CLIC4: variants seen among roughly 807,000 people sequenced by gnomAD.
The protein encoded by CLIC4 is chloride intracellular channel protein 4.
CLIC4 carries 13 observed loss-of-function variants against 24.6 expected under a neutral mutation model. That is an observed-to-expected ratio of 0.53 (90% CI 0.34 to 0.84). CLIC4 has a LOEUF of 0.84. Among genes scored for constraint, CLIC4 ranks in the 40% least tolerant of loss-of-function variants. The pLI is 0.01. For missense variants in CLIC4, 227 were observed against 301.7 expected, an observed-to-expected ratio of 0.75 and a Z score of 1.83; for synonymous variants, 104 against 111.3, an observed-to-expected ratio of 0.93 and a Z score of 0.41.
intron 1 of CLIC4, among the ~76,000 whole-genome samples, chr1:24,785,235 A>T (rs1240116220): frequency 6.6e-6 from 1 of 152,104 alleles, no homozygotes; most frequent in East Asian, 1.9e-4. Context: ...GGAACTGAAG[A>T]ATCTGTTGTT....
intron 1 of CLIC4, among the ~76,000 whole-genome samples, chr1:24,756,972 C>A (rs375098876): frequency 6.6e-6 from 1 of 151,314 alleles, no homozygotes; most frequent in Non-Finnish European, 1.5e-5. Context: ...CTCTGCTCAC[C>A]GCAACCTCCG....
chr1:24,773,762 A>G (rs1167759110), intron 1 of CLIC4, among the ~76,000 whole-genome samples: 2 of 151,608 alleles, frequency 1.3e-5, no homozygotes, highest in Admixed American at 1.3e-4. Flanking sequence ...ATATCTGGCT[A>G]ATTTTCTTAT....
intron 1 of CLIC4, among the ~76,000 whole-genome samples, chr1:24,747,634 C>T (rs1638719492): frequency 6.6e-6 from 1 of 150,936 alleles, no homozygotes; most frequent in South Asian, 2.1e-4. Context: ...AAAATTTTTA[C>T]TGAGTGAGGA....
chr1:24,804,188 A>G (rs1426445017), intron 2 of CLIC4, among the ~76,000 whole-genome samples: 1 of 152,092 alleles, frequency 6.6e-6, no homozygotes, highest in East Asian at 1.9e-4. Flanking sequence ...CCTGTCTTTC[A>G]GAGACATCAT....
At chr1:24,820,905 TG>T (rs1639723815) in intron 3 of CLIC4, among the ~76,000 whole-genome samples, 1 of 152,134 alleles carries the variant, frequency 6.6e-6, no homozygotes, top group Non-Finnish European at 1.5e-5. Flanking sequence ...ACTTTTGGGC[TG>T]GGCGCGGTGG....
At chr1:24,796,971 T>C (rs1036789694) in intron 1 of CLIC4, among the ~76,000 whole-genome samples, 1 of 150,896 alleles carries the variant, frequency 6.6e-6, no homozygotes, top group African/African-American at 2.4e-5. Flanking sequence ...TTTTTTTTTT[T>C]TGAGACAGAG....
At chr1:24,759,749 G>A (rs1186216073) in intron 1 of CLIC4, among the ~76,000 whole-genome samples, 1 of 152,144 alleles carries the variant, frequency 6.6e-6, no homozygotes, top group African/African-American at 2.4e-5. Flanking sequence ...AGGAGTTCAA[G>A]ACCAGCCTCT....
At chr1:24,809,653 G>A (rs1429069074) in intron 2 of CLIC4, among the ~76,000 whole-genome samples, 1 of 152,080 alleles carries the variant, frequency 6.6e-6, no homozygotes, top group African/African-American at 2.4e-5. Flanking sequence ...TAGAGATGGG[G>A]TTTCATCATG....
At chr1:24,764,003 G>A (rs1385508591) in intron 1 of CLIC4, among the ~76,000 whole-genome samples, 1 of 152,230 alleles carries the variant, frequency 6.6e-6, no homozygotes, top group Non-Finnish European at 1.5e-5. Flanking sequence ...TATTGAATGA[G>A]TAAATGCACT....
At chr1:24,813,539 C>T (rs372322700) in intron 2 of CLIC4, among the ~76,000 whole-genome samples, 47 of 151,990 alleles carry the variant, frequency 3.1e-4, no homozygotes, top group African/African-American at 1.1e-3. Flanking sequence ...CTTCCTCAGC[C>T]TCCCAAGTAG....
intron 2 of CLIC4, among the ~76,000 whole-genome samples, chr1:24,813,401 C>CTTTTCT (rs1314118272): frequency 3.3e-5 from 5 of 151,490 alleles, no homozygotes; most frequent in African/African-American, 1.2e-4. Flanking sequence ...ACTTTGATCT[C>CTTTTCT]TTTTCTTTTT....
intron 1 of CLIC4, among the ~76,000 whole-genome samples, chr1:24,790,643 C>T (rs1639323509): frequency 6.6e-6 from 1 of 151,956 alleles, no homozygotes; most frequent in South Asian, 2.1e-4. Flanking sequence ...GTGGAGGTGG[C>T]CTCATTACCA....
intron 1 of CLIC4, among the ~76,000 whole-genome samples, chr1:24,753,564 T>A (rs768544654): frequency 6.6e-6 from 1 of 152,174 alleles, no homozygotes; most frequent in Non-Finnish European, 1.5e-5. Context: ...ATGTGGAAAC[T>A]CCTTATGCAG....
At chr1:24,820,877 GCAA>G (rs1379687181) in intron 3 of CLIC4, among the ~76,000 whole-genome samples, 1 of 152,034 alleles carries the variant, frequency 6.6e-6, no homozygotes, top group Non-Finnish European at 1.5e-5. Context: ...ACATCCTTCA[GCAA>G]CAACAACAAT....
chr1:24,815,184 A>G (rs1476937351), intron 3 of CLIC4, among the ~76,000 whole-genome samples: 1 of 152,214 alleles, frequency 6.6e-6, no homozygotes, highest in Non-Finnish European at 1.5e-5. Context: ...AAAATATTGC[A>G]TGTACCTTAA....
intron 3 of CLIC4, among the ~76,000 whole-genome samples, chr1:24,818,144 C>T (rs1364228117): frequency 4.6e-5 from 7 of 152,104 alleles, no homozygotes; most frequent in East Asian, 3.8e-4. Flanking sequence ...GGAAAAATGG[C>T]GCCATCTTGC....
intron 4 of CLIC4, 51 bp from the exon 5 acceptor site, chr1:24,839,809 T>A (rs768304046): frequency 6.7e-7 from 1 of 1,496,622 alleles, no homozygotes. Flanking sequence ...CTTGGGGACT[T>A]GAGTGGTTTT....
chr1:24,769,001 G>A (rs1259345584), intron 1 of CLIC4, among the ~76,000 whole-genome samples: 4 of 151,398 alleles, frequency 2.6e-5, no homozygotes, highest in African/African-American at 9.8e-5. Context: ...TAAAAATAGC[G>A]GGGCATGGTG....
intron 4 of CLIC4, among the ~76,000 whole-genome samples, chr1:24,836,201 A>T (rs1639883768): frequency 6.6e-6 from 1 of 152,246 alleles, no homozygotes; most frequent in South Asian, 2.1e-4. Context: ...CTTACCAAAT[A>T]ACTAACCTGA....
Sources: allele counts gnomAD v4.1 joint callset (sites outside exome capture counted in the v4.1 genomes callset), GRCh38; gene constraint gnomAD v4.1.1; transcripts MANE v1.5; gene names NCBI Gene and HGNC (gene_info 2026-07-23, HGNC 2026-07-21).